FH: variants seen among roughly 807,000 people sequenced by gnomAD.
FH encodes the protein fumarate hydratase, mitochondrial.
Under a neutral mutation model 49.4 loss-of-function variants are expected in FH, and 22 were observed. That is an observed-to-expected ratio of 0.45 (90% CI 0.32 to 0.64). The LOEUF is 0.64. Ranked by LOEUF, FH falls within the 30% of genes least tolerant of loss-of-function variation. FH has a pLI of 0.05. For synonymous variants in FH, 208 were observed against 223.0 expected (o/e 0.93, Z 0.60); for missense variants, 526 against 641.5 (o/e 0.82, Z 1.95).
rs949267641 is a variant in FH at position 241,508,713 on chromosome 1, C to T, written c.628G>A (p.Gly210Arg). The T allele has an allele frequency of 3.1e-6, 5 of 1,613,624 alleles. No homozygotes were observed. The highest frequency in any genetic ancestry group is 4.5e-5 in the East Asian group (2 of 44,874). Residue 210 changes from glycine to arginine, a missense_variant, in exon 5 of 10, where the codon GGA (glycine) becomes AGA (arginine). Physicochemically the swap from Gly to Arg is moderately radical, Grantham distance 125. Around this residue, in one of 2 missense-constraint regions of FH, gnomAD observed 383 missense variants for 514.0 expected, o/e 0.75. Coordinates refer to ENST00000366560, the MANE Select transcript of FH (RefSeq NM_000143.4). ...AIEVHEVLLP[G>R]LQKLHDALDA... ...AGAGCATCATGTAACTTCTGTAGTC[C>T]TGGTAACAGTACTTCATGAACTTCT...
At chr1:241,507,342 G>A (rs932063203) in intron 5 of FH, among the ~76,000 whole-genome samples, 1 of 152,052 alleles carries the variant, frequency 6.6e-6, no homozygotes. Flanking sequence ...AGTATACTCT[G>A]TGATGTTCAC....
Position 241,519,577 on chromosome 1 carries a change from C to G in FH, c.132+14G>C. 6.5e-7 allele frequency: 1 copy of G among 1,545,012 alleles called. No individual in the cohort carries two copies. Among genetic ancestry groups the G allele is most frequent in the South Asian group, 1.2e-5 (1 of 83,622 alleles). ...TCACTGCGGGGAGGCCGGGGGATGGCGGCCTGCGCTCACCATTCGAGCCGC... is the reference window on the plus strand; with the variant it reads ...TCACTGCGGGGAGGCCGGGGGATGGGGGCCTGCGCTCACCATTCGAGCCGC... On this transcript the variant is annotated intron_variant, in intron 1 of 9. Transcript: ENST00000366560.
At chr1:241,515,652 A>G (rs1660193760) in intron 2 of FH, among the ~76,000 whole-genome samples, 1 of 152,258 alleles carries the variant, frequency 6.6e-6, no homozygotes, top group African/African-American at 2.4e-5. Flanking sequence ...TTATAAGATA[A>G]GTGTTAAACA....
intron 4 of FH, among the ~76,000 whole-genome samples, chr1:241,510,976 T>G (rs1399780124): frequency 6.6e-6 from 1 of 152,174 alleles, no homozygotes; most frequent in African/African-American, 2.4e-5. Flanking sequence ...TTTATTTCTG[T>G]GATAGTTTTC....
At chr1:241,499,172 A>G (rs1384349986) in intron 9 of FH, among the ~76,000 whole-genome samples, 2 of 152,176 alleles carry the variant, frequency 1.3e-5, no homozygotes, top group Non-Finnish European at 2.9e-5. Context: ...CCTGGTACAT[A>G]ATGAGAATAT....
At chr1:241,509,771 A>G (rs115588207) in intron 4 of FH, among the ~76,000 whole-genome samples, 6 of 130,870 alleles carry the variant, frequency 4.6e-5, no homozygotes, top group African/African-American at 1.7e-4. Flanking sequence ...GTGAAGCACA[A>G]TCTCTAAACA....
intron 5 of FH, 32 bp from the exon 6 acceptor site, chr1:241,506,200 A>C (rs775738742): frequency 6.6e-7 from 1 of 1,524,842 alleles, no homozygotes; most frequent in South Asian, 1.1e-5. Flanking sequence ...GGTAAGAATA[A>C]GTAATTCCTA....
At chr1:241,502,845 C>A (rs1659817512) in intron 7 of FH, among the ~76,000 whole-genome samples, 1 of 152,168 alleles carries the variant, frequency 6.6e-6, no homozygotes, top group Non-Finnish European at 1.5e-5. Context: ...TGGAGCCAGG[C>A]ACTCAATATA....
intron 8 of FH, among the ~76,000 whole-genome samples, chr1:241,502,080 C>T (rs968566922): frequency 1.3e-5 from 2 of 151,786 alleles, no homozygotes; most frequent in South Asian, 2.1e-4. Context: ...ATAATTCAAG[C>T]GTGGAGGGGG....
chr1:241,518,570 G>A (rs2147926056), intron 1 of FH, among the ~76,000 whole-genome samples: 1 of 152,244 alleles, frequency 6.6e-6, no homozygotes, highest in South Asian at 2.1e-4. Context: ...TACCCTAGAT[G>A]GGGCACTTAT....
rs202061330 is a variant in FH, at chr1:241,512,054, G to T, written c.468C>A (p.Val156=). 5.6e-6 allele frequency: 9 copies of T among 1,613,610 alleles called. No homozygotes were observed. Among genetic ancestry groups the T allele is most frequent in the East Asian group, 2.2e-5 (1 of 44,876 alleles). The stretch of plus-strand genomic sequence containing the variant: ...ACATTTCAATTGCTCTATTGCTAAT[G>T]ACTTCATTTACATTCATATTTGTCT... ...GTQTNMNVNE[V]ISNRAIEMLG... is the part of the protein sequence containing the mutation. Residue 156 remains valine (V), a synonymous_variant, in exon 4 of 10, where the codon GTC becomes GTA. Coordinates refer to ENST00000366560, the MANE Select transcript of FH (RefSeq NM_000143.4).
rs144131869 is a variant in FH, at chr1:241,500,602, TGAGA to T, written c.1237-16_1237-13del. ...AACACATTTTTAATCTTTGAGTGAG[TGAGA>T]GAGAGAGAGAGAGAGAGAGAGAGAG... On this transcript the variant is annotated splice_polypyrimidine_tract_variant and intron_variant, in intron 8 of 9. Coordinates refer to ENST00000366560, the MANE Select transcript of FH (RefSeq NM_000143.4). 5.0e-3 allele frequency: 7,476 copies of T among 1,486,606 alleles called. No homozygotes were observed. Among genetic ancestry groups the T allele is most frequent in the Admixed American group, 0.014 (751 of 54,388 alleles). 92.1% of individuals were successfully genotyped at this position (1,486,606 alleles called of 1,614,324 possible).
intron 1 of FH, 32 bp from the exon 2 acceptor site, chr1:241,517,348 T>G (rs1231854129): frequency 6.2e-7 from 1 of 1,612,978 alleles, no homozygotes; most frequent in Non-Finnish European, 8.5e-7. Flanking sequence ...TATTACAAGT[T>G]GAAAAGAAAC....
chr1:241,502,623 AG>A, intron 7 of FH, 53 bp from the exon 8 acceptor site: 1 of 1,586,554 alleles, frequency 6.3e-7, no homozygotes, highest in Non-Finnish European at 8.7e-7. Context: ...GCAAATAATC[AG>A]GAGAATAAAG....
rs1189016440 is a variant in FH, at chr1:241,517,247, A to G, written c.202T>C (p.Tyr68His). The change falls in exon 2 of 10, where the codon TAT (tyrosine) becomes CAT (histidine). Residue 68 changes from tyrosine to histidine, a missense_variant. By Grantham distance (83) the Tyr-to-His change is moderately conservative. This residue lies in a region of FH where 143 missense variants were observed against 127.5 expected (regional missense o/e 1.12). Transcript: ENST00000366560. ...GTAGATCTCACGGTCTGGGCGCCAT[A>G]ATACTTATCATTTGGCACCTTTAGT... Reference protein sequence around the residue: ...GELKVPNDKYYGAQTVRSTMN... With the variant: ...GELKVPNDKYHGAQTVRSTMN... The G allele has an allele frequency of 6.2e-7, 1 of 1,614,138 alleles. No homozygotes were observed. The highest frequency in any genetic ancestry group is 1.7e-5 in the Admixed American group (1 of 60,032).
intron 8 of FH, 115 bp downstream of exon 8, chr1:241,502,328 G>C: frequency 8.7e-7 from 1 of 1,149,160 alleles, no homozygotes; most frequent in Non-Finnish European, 1.3e-6. Context: ...ACTTCCAACT[G>C]CTACTTATGT....
chr1:241,512,220 T>C (rs1331641133), intron 3 of FH, 77 bp from the exon 4 acceptor site: 1 of 1,276,286 alleles, frequency 7.8e-7, no homozygotes, highest in East Asian at 2.4e-5. Context: ...TTGAATACAG[T>C]TGACCCACAT....
At chr1:241,511,363 T>C (rs1002571447) in intron 4 of FH, among the ~76,000 whole-genome samples, 1 of 152,246 alleles carries the variant, frequency 6.6e-6, no homozygotes, top group African/African-American at 2.4e-5. Flanking sequence ...ACTTCTTCTA[T>C]TGTTTATAAG....
chr1:241,512,286 T>C, intron 3 of FH, 143 bp from the exon 4 acceptor site: 1 of 676,728 alleles, frequency 1.5e-6, no homozygotes, highest in Admixed American at 2.5e-5. Context: ...AAAAGTGAAA[T>C]ATTATCTATA....
Sources: gnomAD v4.1 joint callset for allele counts (sites outside exome capture counted in the v4.1 genomes callset) on GRCh38, gnomAD v4.1.1 for gene constraint, gnomAD v4.1.1 regional missense constraint, MANE v1.5 for transcripts, NCBI Gene and HGNC (gene_info 2026-07-23, HGNC 2026-07-21) for gene names.